UQCC1: variants seen among roughly 807,000 people sequenced by gnomAD.
UQCC1 encodes bFGF-repressed Zic-binding protein.
UQCC1 carries 38 observed loss-of-function variants against 48.0 expected under a neutral mutation model. The ratio of observed to expected loss-of-function variants is 0.79; its 90% CI spans 0.61 to 1.04. The LOEUF is 1.04. UQCC1 is among the 50% of genes least tolerant of loss of function. The pLI is 0.00. For synonymous variants in UQCC1, 111 were observed against 129.2 expected (o/e 0.86, Z 0.95); for missense variants, 368 against 381.8 (o/e 0.96, Z 0.30).
intron 2 of UQCC1, among the ~76,000 whole-genome samples, chr20:35,393,529 CACACAG>C (rs2062037843): frequency 6.6e-6 from 1 of 150,498 alleles, no homozygotes; most frequent in Non-Finnish European, 1.5e-5. Flanking sequence ...CACACACACA[CACACAG>C]GCTGAAAAAG....
chr20:35,410,727 AAACCCTAAAGGGTGGCAGGGGAAGGATT>A (rs1292181708), intron 1 of UQCC1, among the ~76,000 whole-genome samples: 15 of 117,828 alleles, frequency 1.3e-4, no homozygotes, highest in African/African-American at 3.4e-4. Flanking sequence ...AAAAAAAACA[AAACCCTAAAGGGTGGCAGGGGAAGGATT>A]AAAAAAAAAA....
intron 2 of UQCC1, among the ~76,000 whole-genome samples, chr20:35,393,503 A>AACACACACAC (rs3055772): frequency 4.1e-5 from 6 of 146,794 alleles, no homozygotes; most frequent in African/African-American, 1.5e-4. Flanking sequence ...AACACACACA[A>AACACACACAC]ACACACACAC....
intron 2 of UQCC1, chr20:35,384,674 G>T: frequency 4.5e-6 from 2 of 448,822 alleles, no homozygotes; most frequent in South Asian, 3.1e-5. Flanking sequence ...GAGAGAGAGA[G>T]AGTGAATTCA....
intron 7 of UQCC1, among the ~76,000 whole-genome samples, chr20:35,327,507 T>C (rs1311820536): frequency 1.3e-5 from 2 of 152,250 alleles, no homozygotes; most frequent in African/African-American, 4.8e-5. Context: ...CAAGGTCTTC[T>C]GGCTCCTAGT....
intron 7 of UQCC1, among the ~76,000 whole-genome samples, chr20:35,319,947 T>C (rs1218356544): frequency 6.6e-6 from 1 of 152,196 alleles, no homozygotes; most frequent in Non-Finnish European, 1.5e-5. Flanking sequence ...TTTTAACTCC[T>C]CCATGGACTC....
intron 6 of UQCC1, 97 bp downstream of exon 6, chr20:35,366,460 C>T: frequency 9.8e-7 from 1 of 1,017,786 alleles, no homozygotes; most frequent in South Asian, 1.6e-5. Context: ...TGAACAACTG[C>T]CATTTCATAT....
intron 7 of UQCC1, among the ~76,000 whole-genome samples, chr20:35,342,693 A>T (rs2061393839): frequency 6.6e-6 from 1 of 152,232 alleles, no homozygotes; most frequent in Non-Finnish European, 1.5e-5. Flanking sequence ...AACTCAGCTC[A>T]CAAAGATTTT....
At chr20:35,378,522 C>T (rs6142364) in intron 4 of UQCC1, among the ~76,000 whole-genome samples, 79,378 of 151,762 alleles carry the variant, frequency 0.52, 22,414 homozygotes, top group East Asian at 0.72. Flanking sequence ...CCCAGCTACT[C>T]GGGAGGCTGA....
Position 35,303,911 on chromosome 20 carries a change from G to A in UQCC1, c.*24C>T, listed in dbSNP as rs374200132. The stretch of plus-strand genomic sequence containing the variant: ...TGGAGGTTCCTCGAAGCCAGCTGGC[G>A]GGCCGTGCGGAGGGCCCAGCCCATC... On this transcript the variant is annotated 3_prime_UTR_variant, in exon 10 of 10. Transcript: ENST00000374385. The A allele has an allele frequency of 3.1e-6, 5 of 1,614,062 alleles. No homozygotes were observed. The South Asian group carries it at 4.4e-5, about 14-fold the overall frequency.
At chr20:35,327,959 C>T (rs548047047) in intron 7 of UQCC1, among the ~76,000 whole-genome samples, 3 of 150,986 alleles carry the variant, frequency 2.0e-5, no homozygotes, top group Admixed American at 2.0e-4. Context: ...TGAGATTACG[C>T]CACTGCAATC....
chr20:35,376,850 G>A (rs1431692083), intron 4 of UQCC1, among the ~76,000 whole-genome samples: 1 of 151,864 alleles, frequency 6.6e-6, no homozygotes, highest in Non-Finnish European at 1.5e-5. Flanking sequence ...GTAGTCCCAG[G>A]CTGAGGCAGA....
At chr20:35,405,466 G>A (rs1273745517) in intron 1 of UQCC1, among the ~76,000 whole-genome samples, 1 of 152,144 alleles carries the variant, frequency 6.6e-6, no homozygotes, top group Non-Finnish European at 1.5e-5. Context: ...AATAAAGTAT[G>A]GCCCATACAC....
At position 35,411,951 on chromosome 20, in the gene UQCC1, C is replaced by A; in HGVS notation, c.13G>T (p.Val5Leu). ...ACTCCTTCACTCACAAGGACTCGCA[C>A]CAGCAACGCCATGTTCCTCAATAAC... MALL[V>L]RVLRNQTSIS... The change falls in exon 1 of 10, where the codon GTG becomes TTG. Residue 5 changes from valine (V) to leucine (L), a missense_variant. Val to Leu is a conservative substitution (Grantham distance 32). Transcript: ENST00000374385. 6.2e-7 allele frequency: 1 copy of A among 1,614,240 alleles called. No homozygotes were observed. Among genetic ancestry groups the A allele is most frequent in the Non-Finnish European group, 8.5e-7 (1 of 1,180,046 alleles).
intron 2 of UQCC1, among the ~76,000 whole-genome samples, chr20:35,391,773 T>C (rs1367629800): frequency 1.3e-5 from 2 of 152,074 alleles, no homozygotes; most frequent in Non-Finnish European, 2.9e-5. Flanking sequence ...ATTAATAGTA[T>C]TATTTCAATG....
In UQCC1 at chr20:35,303,001, C is replaced by T. The variant is rs760367372; in HGVS notation, c.*934G>A. The T allele has an allele frequency of 6.6e-6, 1 of 152,180 alleles. No individual in the cohort carries two copies. The highest frequency in any genetic ancestry group is 1.5e-5 in the Non-Finnish European group (1 of 68,058). The allele number at this position is 152,180 out of a possible 1,614,324, so 9.4% of individuals were successfully genotyped here. The stretch of plus-strand genomic sequence containing the variant: ...GAGGAGGGGCTGGTCCTCAGGTGCT[C>T]AGACCAAGGTGGCTCTGCAGCACGT... On this transcript the variant is annotated 3_prime_UTR_variant, in exon 10 of 10. Transcript: ENST00000374385.
chr20:35,344,532 C>G (rs2061412650), intron 7 of UQCC1: 1 of 152,230 alleles, frequency 6.6e-6, no homozygotes, highest in Non-Finnish European at 1.5e-5. Context: ...CTTTGGCTGA[C>G]CAGGAGGTAT....
chr20:35,311,312 G>A (rs141927043), intron 8 of UQCC1, among the ~76,000 whole-genome samples: 129 of 152,294 alleles, frequency 8.5e-4, no homozygotes, highest in African/African-American at 2.5e-3. Flanking sequence ...TTCCCAAAGC[G>A]TCCAGGGAGG....
At position 35,384,125 on chromosome 20, in the gene UQCC1, C is replaced by T; in HGVS notation, c.138G>A (p.Gln46=). The T allele has an allele frequency of 6.2e-7, 1 of 1,611,992 alleles. No homozygotes were observed. The highest frequency in any genetic ancestry group is 8.5e-7 in the Non-Finnish European group (1 of 1,178,306). ...CACCACATGCTCGGGACTGGCTCATCTGGGGCCACTGAAGAATAAAAACAC... is the reference window on the plus strand; with the variant it reads ...CACCACATGCTCGGGACTGGCTCATTTGGGGCCACTGAAGAATAAAAACAC... ...RALSRTSQWP[Q]MSQSRACGGS... is the part of the protein sequence containing the mutation. Residue 46 remains glutamine (Q), a synonymous_variant, in exon 3 of 10, where the codon CAG becomes CAA. Transcript: ENST00000374385.
intron 1 of UQCC1, among the ~76,000 whole-genome samples, chr20:35,402,577 C>A: frequency 9.7e-6 from 1 of 102,866 alleles, no homozygotes. Context: ...GACTCCATCT[C>A]AAAAAACAAA....
Sources: gnomAD v4.1 joint callset for allele counts (sites outside exome capture counted in the v4.1 genomes callset) on GRCh38, gnomAD v4.1.1 for gene constraint, MANE v1.5 for transcripts, NCBI Gene and HGNC (gene_info 2026-07-23, HGNC 2026-07-21) for gene names.